Variants in CHSY1 observed in about 807,000 individuals in gnomAD.
CHSY1 encodes N-acetylgalactosaminyl-proteoglycan 3-beta-glucuronosyltransferase 1.
CHSY1 carries 13 observed loss-of-function variants against 59.8 expected under a neutral mutation model. That is an observed-to-expected ratio of 0.22 (90% CI 0.14 to 0.35). CHSY1 has a LOEUF of 0.35. CHSY1 is among the 10% of genes least tolerant of loss of function. The probability of loss-of-function intolerance (pLI) is 1.00; values close to 1 mark genes in which losing one functional copy is unlikely to be tolerated. For synonymous variants in CHSY1, 459 were observed against 401.2 expected (o/e 1.14, Z -1.72); for missense variants, 947 against 1,030.6 (o/e 0.92, Z 1.11).
chr15:101,251,107 G>A (rs749221585), intron 1 of CHSY1, 30 bp downstream of exon 1: 3 of 1,547,128 alleles, frequency 1.9e-6, no homozygotes, highest in Middle Eastern at 1.7e-4. Context: ...GCCGGACGCA[G>A]GAGGCGGTGC....
At position 101,177,024 on chromosome 15, in the gene CHSY1, G is replaced by A. The variant is rs772933595; in HGVS notation, c.*364C>T. On this transcript the variant is annotated 3_prime_UTR_variant, in exon 3 of 3. Coordinates refer to ENST00000254190, the MANE Select transcript of CHSY1 (RefSeq NM_014918.5). ...CTGTGGAATGTTAACAATCACAACA[G>A]AACATTTACCAGAGTTACAGTGTTT... The A allele has an allele frequency of 6.8e-5, 12 of 177,498 alleles. No individual in the cohort carries two copies. The highest frequency in any genetic ancestry group is 8.3e-5 in the Non-Finnish European group (7 of 84,786). 11.0% of individuals were successfully genotyped at this position (177,498 alleles called of 1,614,324 possible). A position where few individuals can be genotyped will look rare whatever the true frequency, so the allele number is the denominator to read the frequency against.
At chr15:101,243,720 C>T (rs554906411) in intron 1 of CHSY1, among the ~76,000 whole-genome samples, 10 of 152,358 alleles carry the variant, frequency 6.6e-5, no homozygotes, top group African/African-American at 1.7e-4. Context: ...ACTTGAAAAC[C>T]TGGACAAAAC....
At chr15:101,250,647 C>T (rs1245414667) in intron 1 of CHSY1, among the ~76,000 whole-genome samples, 2 of 152,182 alleles carry the variant, frequency 1.3e-5, no homozygotes, top group Admixed American at 6.5e-5. Flanking sequence ...ATAGGAGTGC[C>T]TCCAACTGCG....
intron 2 of CHSY1, among the ~76,000 whole-genome samples, chr15:101,180,464 G>T (rs759899390): frequency 1.3e-5 from 2 of 152,186 alleles, no homozygotes; most frequent in Non-Finnish European, 1.5e-5. Context: ...AATTAGAAAA[G>T]GTGGTGAGGT....
At chr15:101,231,356 CTTAA>C (rs889484552) in intron 2 of CHSY1, among the ~76,000 whole-genome samples, 77 of 152,284 alleles carry the variant, frequency 5.1e-4, no homozygotes, top group African/African-American at 1.9e-3. Flanking sequence ...GAAGTAGAAA[CTTAA>C]TTGTTTGTAT....
At position 101,202,729 on chromosome 15, in the gene CHSY1, AAAAG is replaced by A. The variant is rs200330077; in HGVS notation, c.817-23753_817-23750del. ...CTCATTTAGGATTTTTTTTAACTTT[AAAAG>A]GCTAACATATAAATAGTAGTTTGCA... On this transcript the variant is annotated intron_variant, in intron 2 of 2. Transcript: ENST00000254190. 6.5e-3 allele frequency among the ~76,000 whole-genome samples: 993 copies of A among 152,378 alleles called. 12 individuals carry two copies. The highest frequency in any genetic ancestry group is 0.023 in the African/African-American group (943 of 41,594).
In CHSY1 at chr15:101,178,272, T is replaced by C; in HGVS notation, c.1525A>G (p.Asn509Asp). 1 of 1,613,386 alleles carries C rather than the reference T, an allele frequency of 6.2e-7. No individual in the cohort carries two copies. The highest frequency in any genetic ancestry group is 2.2e-5 in the East Asian group (1 of 44,854). The change falls in exon 3 of 3, where the codon AAC (asparagine) becomes GAC (aspartate). Residue 509 changes from asparagine to aspartate, a missense_variant. Around this residue, in one of 4 missense-constraint regions of CHSY1, gnomAD observed 602 missense variants for 676.9 expected, o/e 0.89. Transcript: ENST00000254190. ...QESGSLSFLS[N>D]SLKKLVPFQL... The stretch of plus-strand genomic sequence containing the variant: ...AAGGGGACGAGCTTCTTCAGGGAGT[T>C]TGAGAGAAAGGACAAGGATCCAGAT...
intron 1 of CHSY1, among the ~76,000 whole-genome samples, chr15:101,249,355 C>T (rs2039083533): frequency 6.8e-6 from 1 of 147,614 alleles, no homozygotes; most frequent in Non-Finnish European, 1.5e-5. Flanking sequence ...GGCTCATCCT[C>T]GATTTCCGAT....
intron 2 of CHSY1, among the ~76,000 whole-genome samples, chr15:101,217,636 A>T (rs370565798): frequency 1.4e-4 from 22 of 152,322 alleles, no homozygotes; most frequent in East Asian, 1.2e-3. Context: ...AGGACCGAGC[A>T]ACTGAAAGAG....
Position 101,177,926 on chromosome 15 carries a change from T to C in CHSY1, c.1871A>G (p.Glu624Gly). ...LEVGSSQFNN[E>G]SLLFFCDVDL... is the part of the protein sequence containing the mutation. ...GACGTCGCAGAAGAAGAGCAAAGAT[T>C]CATTGTTAAACTGGGAGGATCCTAC... Residue 624 changes from glutamate (E) to glycine (G), a missense_variant, in exon 3 of 3, where the codon GAA becomes GGA. Physicochemically the swap from Glu to Gly is moderately conservative, Grantham distance 98. Coordinates refer to ENST00000254190, the MANE Select transcript of CHSY1 (RefSeq NM_014918.5). 6.2e-7 allele frequency: 1 copy of C among 1,614,180 alleles called. No homozygotes were observed. Among genetic ancestry groups the C allele is most frequent in the East Asian group, 2.2e-5 (1 of 44,884 alleles).
rs764615105 is a variant in CHSY1, at chr15:101,178,965, A to T, written c.832T>A (p.Tyr278Asn). 1 of 1,613,972 alleles carries T rather than the reference A, an allele frequency of 6.2e-7. No individual in the cohort carries two copies. The highest frequency in any genetic ancestry group is 1.3e-5 in the African/African-American group (1 of 74,910). ...TTTTTGTTCTGCTCGTAATTCTCAT[A>T]AAAAAGCTGCTGCATCTGTTACAGG... ...VWSYEMQQLF[Y>N]ENYEQNKKGY... Residue 278 changes from tyrosine (Y) to asparagine (N), a missense_variant, in exon 3 of 3, where the codon TAT (tyrosine) becomes AAT (asparagine). Tyr to Asn is a moderately radical substitution (Grantham distance 143, BLOSUM62 -2). Around this residue, in one of 4 missense-constraint regions of CHSY1, gnomAD observed 602 missense variants for 676.9 expected, o/e 0.89. Coordinates refer to ENST00000254190, the MANE Select transcript of CHSY1 (RefSeq NM_014918.5).
At position 101,251,520 on chromosome 15, in the gene CHSY1, C is replaced by T. The variant is rs1402695716; in HGVS notation, c.-64G>A. ...TCCGCGCGCCCTCAGCCCGCTGCCC[C>T]CGCCCGCGGAGGCCAGCCCGCCCTA... is the stretch of plus-strand genomic sequence containing the variant. On this transcript the variant is annotated 5_prime_UTR_variant, in exon 1 of 3. Coordinates refer to ENST00000254190, the MANE Select transcript of CHSY1 (RefSeq NM_014918.5). 3.8e-6 allele frequency: 1 copy of T among 263,294 alleles called. No homozygotes were observed. The highest frequency in any genetic ancestry group is 5.5e-6 in the Non-Finnish European group (1 of 183,110). The allele number at this position is 263,294 out of a possible 1,614,324, so 16.3% of individuals were successfully genotyped here.
Position 101,176,665 on chromosome 15 carries a change from G to A in CHSY1, c.*723C>T. On this transcript the variant is annotated 3_prime_UTR_variant, in exon 3 of 3. Transcript: ENST00000254190. ...AAAAAAACTAGCTGGGCGTGGTGGT[G>A]TGTGCCTGTAATCCCAGCTACTCGG... 2 of 328,218 alleles carry A rather than the reference G, an allele frequency of 6.1e-6. No homozygotes were observed. 20.3% of individuals were successfully genotyped at this position (328,218 alleles called of 1,614,324 possible). A position where few individuals can be genotyped will look rare whatever the true frequency, so the allele number is the denominator to read the frequency against.
At chr15:101,237,222 T>TGAAAAAAAAAAA (rs1491396831) in intron 1 of CHSY1, among the ~76,000 whole-genome samples, 2 of 57,358 alleles carry the variant, frequency 3.5e-5, no homozygotes, top group African/African-American at 1.2e-4. Flanking sequence ...AGACTCCATC[T>TGAAAAAAAAAAA]AAAAAAAAAA....
intron 2 of CHSY1, among the ~76,000 whole-genome samples, chr15:101,199,261 T>C (rs888367908): frequency 6.6e-6 from 1 of 152,204 alleles, no homozygotes; most frequent in Non-Finnish European, 1.5e-5. Context: ...CCCTGCACTT[T>C]GGGAGGCCGA....
rs2038742883 is a variant in CHSY1 at position 101,217,243 on chromosome 15, A to G, written c.816+17839T>C. Reference sequence around the variant, plus strand: ...CAGTTTAGCAAAGAAGGAGGCTAGAACGATCCACATGGTAATAATCAGAGC... The same window carrying G: ...CAGTTTAGCAAAGAAGGAGGCTAGAGCGATCCACATGGTAATAATCAGAGC... On this transcript the variant is annotated intron_variant, in intron 2 of 2. Transcript: ENST00000254190. 2.0e-5 allele frequency among the ~76,000 whole-genome samples: 3 copies of G among 152,252 alleles called. No homozygotes were observed. In the South Asian group the frequency reaches 6.2e-4, roughly 31 times the overall value.
rs550615084 is a variant in CHSY1 at position 101,221,477 on chromosome 15, T to TCTCTCTCC, written c.816+13597_816+13604dup. 1.2e-4 allele frequency among the ~76,000 whole-genome samples: 18 copies of TCTCTCTCC among 152,248 alleles called. No homozygotes were observed. The South Asian group carries it at 3.5e-3, about 30-fold the overall frequency. On this transcript the variant is annotated intron_variant, in intron 2 of 2. Coordinates refer to ENST00000254190, the MANE Select transcript of CHSY1 (RefSeq NM_014918.5). ...TTGGGTGACAGGTTGAGAGTGTCTC[T>TCTCTCTCC]CTCTCTCCCTCTCTCTATATATATA... is the stretch of plus-strand genomic sequence containing the variant.
At chr15:101,190,205 A>G (rs2038426174) in intron 2 of CHSY1, among the ~76,000 whole-genome samples, 1 of 151,698 alleles carries the variant, frequency 6.6e-6, no homozygotes, top group African/African-American at 2.4e-5. Flanking sequence ...AAAGAGGGTA[A>G]GAAAAACACT....
chr15:101,188,051 C>T (rs1321870657), intron 2 of CHSY1: 2 of 985,486 alleles, frequency 2.0e-6, no homozygotes, highest in East Asian at 2.3e-4. Flanking sequence ...AGCCAACATT[C>T]TCATTAAGTC....
Sources: allele counts gnomAD v4.1 joint callset (sites outside exome capture counted in the v4.1 genomes callset), GRCh38; gene constraint gnomAD v4.1.1; regional missense constraint gnomAD v4.1.1; transcripts MANE v1.5; gene names NCBI Gene and HGNC (gene_info 2026-07-23, HGNC 2026-07-21).